The following ABL2 variants were observed in gnomAD, a reference collection of about 807,000 sequenced individuals.
ABL2 encodes the protein ABL proto-oncogene 2, non-receptor tyrosine kinase.
ABL2 carries 49 observed loss-of-function variants against 107.7 expected under a neutral mutation model. The ratio of observed to expected loss-of-function variants is 0.45; its 90% confidence interval spans 0.36 to 0.58. The LOEUF (loss-of-function observed/expected upper bound fraction) is 0.58. ABL2 is among the 20% of genes least tolerant of loss of function. The pLI is 0.00. For synonymous variants in ABL2, 549 were observed against 548.6 expected, an observed-to-expected ratio of 1.00 and a Z score of -0.01; for missense variants, 1,245 against 1,457.0, an observed-to-expected ratio of 0.85 and a Z score of 2.37.
At chr1:179,211,838 A>G (rs955637684) in intron 1 of ABL2, among the ~76,000 whole-genome samples, 1 of 152,104 alleles carries the variant, frequency 6.6e-6, no homozygotes, top group Non-Finnish European at 1.5e-5. Flanking sequence ...CAATAACTGC[A>G]AAGAAAACTC....
intron 1 of ABL2, among the ~76,000 whole-genome samples, chr1:179,210,558 A>C (rs990008739): frequency 1.9e-4 from 29 of 151,428 alleles, no homozygotes; most frequent in Non-Finnish European, 4.0e-4. Flanking sequence ...TTAAAGGATA[A>C]AAATAAAAAT....
rs1286765265 is a variant in ABL2 at position 179,106,872 on chromosome 1, A to C, written c.*846T>G. ...AACACTGGTTAATGCTCTGAATGCT[A>C]CCAGGAATAAAGGAAGACAGCCTGC... On this transcript the variant is annotated 3_prime_UTR_variant, in exon 12 of 12. Transcript: ENST00000502732. 4.3e-6 allele frequency: 1 copy of C among 231,054 alleles called. No individual in the cohort carries two copies. Among genetic ancestry groups the C allele is most frequent in the Non-Finnish European group, 8.6e-6 (1 of 116,702 alleles). The allele number at this position is 231,054 out of a possible 1,614,324, so 14.3% of individuals were successfully genotyped here.
Position 179,108,638 on chromosome 1 carries a change from G to A in ABL2, c.2629C>T (p.Pro877Ser), listed in dbSNP as rs940924413. ...GCCACTCCAGCCACTCCCACCCCTG[G>A]AGGGTCCTTCTCTGTAATGGCTAGA... ...GDLAITEKDP[P>S]GVGVAGVAAA... is the part of the protein sequence containing the mutation. The change falls in exon 12 of 12, where the codon CCA (proline) becomes TCA (serine). Residue 877 changes from proline to serine, a missense_variant. This residue lies in a region of ABL2 where 761 missense variants were observed against 766.4 expected (regional missense o/e 0.99). Coordinates refer to ENST00000502732, the MANE Select transcript of ABL2 (RefSeq NM_007314.4). 1 of 1,614,068 alleles carries A rather than the reference G, an allele frequency of 6.2e-7. No homozygotes were observed. Among genetic ancestry groups the A allele is most frequent in the African/African-American group, 1.3e-5 (1 of 74,932 alleles).
rs768024576 is a variant in ABL2, at chr1:179,121,764, G to A, written c.791C>T (p.Pro264Leu). The A allele has an allele frequency of 1.9e-6, 3 of 1,614,058 alleles. No homozygotes were observed. The highest frequency in any genetic ancestry group is 2.2e-5 in the East Asian group (1 of 44,882). ...ATAGACTGTAGGCTTATTACACTTG[G>A]GTGCTGGGTAGTGTAATGTTGTCAC... is the stretch of plus-strand genomic sequence containing the variant. ...GLVTTLHYPAPKCNKPTVYGV... is the reference protein window; with the variant it reads ...GLVTTLHYPALKCNKPTVYGV... Residue 264 changes from proline (P) to leucine (L), a missense_variant, in exon 5 of 12, where the codon CCC becomes CTC. Physicochemically the swap from Pro to Leu is moderately conservative, Grantham distance 98 (BLOSUM62 -3). Transcript: ENST00000502732.
chr1:179,115,158 T>C (rs1163858327), intron 8 of ABL2, 128 bp from the exon 9 acceptor site: 4 of 738,756 alleles, frequency 5.4e-6, no homozygotes, highest in Non-Finnish European at 7.9e-6. Context: ...ATATATAATA[T>C]ACTCTTTTAT....
At chr1:179,131,508 T>C in intron 2 of ABL2, 27 bp from the exon 3 acceptor site, 1 of 1,607,896 alleles carries the variant, frequency 6.2e-7, no homozygotes, top group Non-Finnish European at 8.5e-7. Context: ...GGGAAGGGAA[T>C]TCACGGTGAG....
chr1:179,224,134 C>CAAAAAAAAAAAAAA (rs1181284107), intron 1 of ABL2, among the ~76,000 whole-genome samples: 1 of 34,512 alleles, frequency 2.9e-5, no homozygotes, highest in Non-Finnish European at 4.6e-5. Context: ...CTACTCACTA[C>CAAAAAAAAAAAAAA]AAAAAAAAAA....
intron 4 of ABL2, among the ~76,000 whole-genome samples, chr1:179,124,370 T>G (rs1193622954): frequency 1.3e-5 from 2 of 150,692 alleles, no homozygotes; most frequent in South Asian, 2.1e-4. Flanking sequence ...TATAACATGA[T>G]CAGCACCCCA....
At chr1:179,113,662 C>T (rs1371416379) in intron 9 of ABL2, among the ~76,000 whole-genome samples, 1 of 152,142 alleles carries the variant, frequency 6.6e-6, no homozygotes, top group Non-Finnish European at 1.5e-5. Context: ...GGTGCTGTGG[C>T]TCAAGCCTGT....
intron 1 of ABL2, among the ~76,000 whole-genome samples, chr1:179,139,647 T>C (rs1486924145): frequency 6.6e-6 from 1 of 152,104 alleles, no homozygotes; most frequent in African/African-American, 2.4e-5. Flanking sequence ...CACCATCATC[T>C]AGGTAAGGGG....
chr1:179,207,546 G>A (rs1662044395), intron 1 of ABL2, among the ~76,000 whole-genome samples: 1 of 152,008 alleles, frequency 6.6e-6, no homozygotes, highest in Admixed American at 6.6e-5. Flanking sequence ...AACAATAACA[G>A]CTATAACTTT....
intron 1 of ABL2, among the ~76,000 whole-genome samples, chr1:179,221,327 A>C (rs1662851202): frequency 6.6e-6 from 1 of 152,222 alleles, no homozygotes; most frequent in South Asian, 2.1e-4. Flanking sequence ...ACAGTGGCTC[A>C]CATTTGTAGT....
chr1:179,226,592 C>T (rs1240589800), intron 1 of ABL2, among the ~76,000 whole-genome samples: 1 of 152,062 alleles, frequency 6.6e-6, no homozygotes, highest in Non-Finnish European at 1.5e-5. Flanking sequence ...CAGGCGTGAG[C>T]CACCGCACCT....
chr1:179,167,466 T>C (rs1283700599), intron 1 of ABL2, among the ~76,000 whole-genome samples: 1 of 152,194 alleles, frequency 6.6e-6, no homozygotes, highest in African/African-American at 2.4e-5. Context: ...AATTCTAATG[T>C]TCATTAACAG....
At chr1:179,210,145 G>A (rs72709485) in intron 1 of ABL2, among the ~76,000 whole-genome samples, 3,358 of 152,238 alleles carry the variant, frequency 0.022, 67 homozygotes, top group Middle Eastern at 0.054. Flanking sequence ...CTACAGGCAT[G>A]AGCCACTGTA....
chr1:179,112,453 T>C, intron 9 of ABL2, 55 bp from the exon 10 acceptor site: 1 of 1,400,366 alleles, frequency 7.1e-7, no homozygotes, highest in Non-Finnish European at 1.0e-6. Flanking sequence ...CAATATCCAG[T>C]GGTGTATCTA....
intron 1 of ABL2, among the ~76,000 whole-genome samples, chr1:179,153,738 A>G (rs1266125585): frequency 1.3e-5 from 2 of 152,154 alleles, no homozygotes; most frequent in Non-Finnish European, 2.9e-5. Context: ...GGATTAGGAC[A>G]TGGATATCTT....
intron 1 of ABL2, chr1:179,201,914 C>A: frequency 7.8e-7 from 1 of 1,284,162 alleles, no homozygotes; most frequent in Non-Finnish European, 9.9e-7. Flanking sequence ...TCAATGTTGC[C>A]GACCTCATCT....
At chr1:179,181,808 T>A (rs1660390572) in intron 1 of ABL2, among the ~76,000 whole-genome samples, 1 of 151,900 alleles carries the variant, frequency 6.6e-6, no homozygotes, top group African/African-American at 2.4e-5. Context: ...TGAGACAGAG[T>A]CTCACTCTAT....
Sources: gnomAD v4.1 joint callset for allele counts (sites outside exome capture counted in the v4.1 genomes callset) on GRCh38, gnomAD v4.1.1 for gene constraint, gnomAD v4.1.1 regional missense constraint, MANE v1.5 for transcripts, NCBI Gene and HGNC (gene_info 2026-07-23, HGNC 2026-07-21) for gene names.